TRPC6: variants seen among roughly 807,000 people sequenced by gnomAD.
TRPC6 encodes short transient receptor potential channel 6.
TRPC6 carries 55 observed loss-of-function variants against 90.7 expected under a neutral mutation model. The ratio of observed to expected loss-of-function variants is 0.61; its 90% confidence interval spans 0.49 to 0.76. TRPC6 has a LOEUF of 0.76. Ranked by LOEUF, TRPC6 falls within the 30% of genes least tolerant of loss-of-function variation. TRPC6 has a pLI of 0.00. For missense variants in TRPC6, 989 were observed against 1,122.7 expected, an observed-to-expected ratio of 0.88 and a Z score of 1.70; for synonymous variants, 393 against 393.0, an observed-to-expected ratio of 1.00 and a Z score of 0.00.
At chr11:101,562,357 T>C (rs1392099469) in intron 1 of TRPC6, among the ~76,000 whole-genome samples, 3 of 152,220 alleles carry the variant, frequency 2.0e-5, no homozygotes, top group African/African-American at 7.2e-5. Flanking sequence ...AACTATTTAG[T>C]ACCTGTGAAT....
intron 1 of TRPC6, among the ~76,000 whole-genome samples, chr11:101,532,204 G>T (rs1860925275): frequency 6.6e-6 from 1 of 152,136 alleles, no homozygotes; most frequent in Non-Finnish European, 1.5e-5. Flanking sequence ...TGTAGCAAAG[G>T]TCCCTAAAAT....
intron 1 of TRPC6, among the ~76,000 whole-genome samples, chr11:101,545,421 G>T (rs1861280319): frequency 2.0e-5 from 3 of 152,058 alleles, no homozygotes; most frequent in Non-Finnish European, 4.4e-5. Context: ...GGGGAGTGGG[G>T]AACCCAAAAC....
chr11:101,498,207 T>G (rs1000076920), intron 2 of TRPC6, among the ~76,000 whole-genome samples: 1 of 152,222 alleles, frequency 6.6e-6, no homozygotes, highest in African/African-American at 2.4e-5. Context: ...TGTTTTTTAC[T>G]GACTTTGTGT....
At chr11:101,482,203 A>C (rs904865565) in intron 5 of TRPC6, among the ~76,000 whole-genome samples, 16 of 152,218 alleles carry the variant, frequency 1.1e-4, no homozygotes, top group African/African-American at 3.6e-4. Flanking sequence ...ACTTCCTTGA[A>C]CACAGGGACT....
intron 1 of TRPC6, among the ~76,000 whole-genome samples, chr11:101,554,768 C>T (rs537115824): frequency 2.2e-4 from 33 of 152,300 alleles, no homozygotes; most frequent in Non-Finnish European, 3.5e-4. Flanking sequence ...TTATTGTAAA[C>T]TCCAGCCTAA....
chr11:101,478,651 TG>T (rs1859472098), intron 5 of TRPC6, among the ~76,000 whole-genome samples: 1 of 152,128 alleles, frequency 6.6e-6, no homozygotes, highest in Non-Finnish European at 1.5e-5. Context: ...AAGGAGAGTT[TG>T]AAATCCCGCA....
intron 1 of TRPC6, among the ~76,000 whole-genome samples, chr11:101,560,343 C>T (rs1257477875): frequency 2.6e-5 from 4 of 151,952 alleles, no homozygotes; most frequent in Non-Finnish European, 5.9e-5. Context: ...TCTAGAGCCT[C>T]CAGGCAACAA....
At chr11:101,467,220 T>C (rs190670495) in intron 10 of TRPC6, among the ~76,000 whole-genome samples, 13 of 152,324 alleles carry the variant, frequency 8.5e-5, no homozygotes, top group Admixed American at 7.8e-4. Flanking sequence ...GTTATTTTTT[T>C]CTAGATATGC....
intron 3 of TRPC6, chr11:101,491,296 T>C (rs1359701810): frequency 8.4e-6 from 3 of 355,986 alleles, no homozygotes; most frequent in Non-Finnish European, 1.6e-5. Flanking sequence ...TAGCCGGGCG[T>C]GGTGGTGGGC....
chr11:101,582,303 A>G (rs1258117903), intron 1 of TRPC6, among the ~76,000 whole-genome samples: 1 of 152,146 alleles, frequency 6.6e-6, no homozygotes, highest in Non-Finnish European at 1.5e-5. Flanking sequence ...CCCATCTATC[A>G]GGAGGGTCTG....
At chr11:101,525,686 G>C (rs1460148114) in intron 1 of TRPC6, among the ~76,000 whole-genome samples, 4 of 152,164 alleles carry the variant, frequency 2.6e-5, no homozygotes, top group African/African-American at 4.8e-5. Flanking sequence ...AGTACAACAG[G>C]GTAGCTAGAG....
At chr11:101,481,701 GC>G (rs1262448827) in intron 5 of TRPC6, among the ~76,000 whole-genome samples, 8 of 152,220 alleles carry the variant, frequency 5.3e-5, no homozygotes, top group African/African-American at 1.9e-4. Context: ...TGAGTGCCAG[GC>G]CTCATCCTCC....
intron 3 of TRPC6, 116 bp from the exon 4 acceptor site, chr11:101,489,217 GAACA>G: frequency 1.0e-6 from 1 of 968,916 alleles, no homozygotes; most frequent in Non-Finnish European, 1.6e-6. Context: ...TAGAATTAAA[GAACA>G]AACATAAAAC....
intron 2 of TRPC6, among the ~76,000 whole-genome samples, chr11:101,495,414 C>A (rs1434394047): frequency 6.6e-6 from 1 of 151,852 alleles, no homozygotes; most frequent in African/African-American, 2.4e-5. Context: ...GATGGCAGAC[C>A]TGGGTTTGAA....
intron 1 of TRPC6, among the ~76,000 whole-genome samples, chr11:101,524,246 AT>A (rs545004967): frequency 3.7e-4 from 56 of 152,140 alleles, no homozygotes; most frequent in Admixed American, 9.8e-4. Context: ...CAATCAGGCC[AT>A]TTTTTTATTT....
chr11:101,482,101 G>T (rs551741146), intron 5 of TRPC6, among the ~76,000 whole-genome samples: 149 of 152,238 alleles, frequency 9.8e-4, no homozygotes, highest in African/African-American at 3.5e-3. Flanking sequence ...CCCAATCTGT[G>T]TATGTTCATA....
At chr11:101,533,778 G>A (rs540353532) in intron 1 of TRPC6, among the ~76,000 whole-genome samples, 40 of 151,866 alleles carry the variant, frequency 2.6e-4, no homozygotes, top group Admixed American at 8.5e-4. Flanking sequence ...ATTCTAACTC[G>A]CTTTCTGCTT....
chr11:101,564,403 T>C (rs1861784011), intron 1 of TRPC6, among the ~76,000 whole-genome samples: 1 of 152,184 alleles, frequency 6.6e-6, no homozygotes, highest in African/African-American at 2.4e-5. Context: ...AATCTTATGC[T>C]AATAGTGGCA....
At chr11:101,464,881 T>C (rs1859105507) in intron 10 of TRPC6, among the ~76,000 whole-genome samples, 1 of 152,252 alleles carries the variant, frequency 6.6e-6, no homozygotes, top group African/African-American at 2.4e-5. Context: ...AGTTTCTTCA[T>C]AGTGTCGATG....
Sources: allele counts gnomAD v4.1 joint callset (sites outside exome capture counted in the v4.1 genomes callset), GRCh38; gene constraint gnomAD v4.1.1; transcripts MANE v1.5; gene names NCBI Gene and HGNC (gene_info 2026-07-23, HGNC 2026-07-21).